Variants in FASTKD1 observed in about 807,000 individuals in gnomAD.
The protein encoded by FASTKD1 is FAST kinase domain-containing protein 1, mitochondrial.
In FASTKD1, 94 loss-of-function variants were observed where a neutral mutation model predicts 90.9. The ratio of observed to expected loss-of-function variants is 1.03; its 90% CI spans 0.88 to 1.23. FASTKD1 has a LOEUF of 1.23. Among genes scored for constraint, FASTKD1 ranks in the 50% most tolerant of loss-of-function variants. FASTKD1 has a pLI of 0.00. For missense variants in FASTKD1, 945 were observed against 993.5 expected (o/e 0.95, Z 0.66); for synonymous variants, 319 against 345.8 (o/e 0.92, Z 0.86).
intron 12 of FASTKD1, 109 bp from the exon 13 acceptor site, chr2:169,531,599 TCACA>T: frequency 1.2e-6 from 1 of 811,862 alleles, no homozygotes; most frequent in Non-Finnish European, 1.9e-6. Flanking sequence ...ACACACACAC[TCACA>T]AAAGAATGAC....
At chr2:169,536,884 T>C (rs78582350) in intron 12 of FASTKD1, 4,934 of 182,308 alleles carry the variant, frequency 0.027, 293 homozygotes, top group African/African-American at 0.11. Context: ...AAAGAGTCAT[T>C]TCCCTTATTT....
rs970645305 is a variant in FASTKD1, at chr2:169,529,412, C to A, written c.*413G>T. ...TTACCTCCACTGCTACCACTCTCTC[C>A]AAGCCACCATCCATTGTTGTCTGGA... is the stretch of plus-strand genomic sequence containing the variant. On this transcript the variant is annotated 3_prime_UTR_variant, in exon 15 of 15. Transcript: ENST00000453153. Among the ~76,000 whole-genome samples the A allele has an allele frequency of 6.6e-6, 1 of 152,202 alleles. No individual in the cohort carries two copies. The highest frequency in any genetic ancestry group is 1.5e-5 in the Non-Finnish European group (1 of 68,048).
chr2:169,531,552 G>GAT, intron 12 of FASTKD1, 62 bp from the exon 13 acceptor site: 1 of 1,330,306 alleles, frequency 7.5e-7, no homozygotes, highest in Non-Finnish European at 1.0e-6. Context: ...AAAAGTTTAA[G>GAT]ATATATTTGA....
chr2:169,548,564 C>G (rs1685326635), intron 7 of FASTKD1, among the ~76,000 whole-genome samples: 1 of 151,344 alleles, frequency 6.6e-6, no homozygotes, highest in Non-Finnish European at 1.5e-5. Context: ...AACCCCATCT[C>G]TACTGAAAAT....
At chr2:169,561,744 C>CATTATAAAATATTTATTAATTT (rs1683619952) in intron 4 of FASTKD1, among the ~76,000 whole-genome samples, 30 of 72,934 alleles carry the variant, frequency 4.1e-4, no homozygotes, top group Middle Eastern at 8.8e-3. Context: ...ATTAATTATT[C>CATTATAAAATATTTATTAATTT]ATTATAAATT....
At chr2:169,547,090 C>T (rs1391974532) in intron 7 of FASTKD1, among the ~76,000 whole-genome samples, 1 of 152,202 alleles carries the variant, frequency 6.6e-6, no homozygotes, top group East Asian at 1.9e-4. Flanking sequence ...GTTGGGTTTC[C>T]CATGACCTCC....
chr2:169,553,121 CTTGAACCTG>C (rs1685567655), intron 7 of FASTKD1, among the ~76,000 whole-genome samples: 1 of 151,950 alleles, frequency 6.6e-6, no homozygotes, highest in African/African-American at 2.4e-5. Context: ...AGGAAAATCG[CTTGAACCTG>C]GGAGGCGGAG....
rs374454211 is a variant in FASTKD1, at chr2:169,553,271, CAAAA to C, written c.1214+1849_1214+1852del. Among the ~76,000 whole-genome samples, 7 of 79,204 alleles carry C rather than the reference CAAAA, an allele frequency of 8.8e-5. 1 individual carries two copies. The highest frequency in any genetic ancestry group is 1.5e-4 in the African/African-American group (3 of 19,376). 52.0% of individuals were successfully genotyped at this position (79,204 alleles called of 152,430 possible). Reference sequence around the variant, plus strand: ...ATATAGAAAATTTTTTAAAAGCATGCAAAAAAAAAAAAAAAAAACCCACTGTGCA... The same window carrying C: ...ATATAGAAAATTTTTTAAAAGCATGCAAAAAAAAAAAAAACCCACTGTGCA... On this transcript the variant is annotated intron_variant, in intron 7 of 14. Transcript: ENST00000453153.
At chr2:169,565,292 TCGCTCTGTCA>T (rs1486433613) in intron 3 of FASTKD1, among the ~76,000 whole-genome samples, 1 of 98,714 alleles carries the variant, frequency 1.0e-5, no homozygotes, top group Non-Finnish European at 1.9e-5. Flanking sequence ...AGAGGGAGTC[TCGCTCTGTCA>T]CCCAGGCTGG....
chr2:169,530,227 C>G (rs1684418953), intron 14 of FASTKD1, among the ~76,000 whole-genome samples: 1 of 152,132 alleles, frequency 6.6e-6, no homozygotes, highest in African/African-American at 2.4e-5. Flanking sequence ...CTCTACAGTG[C>G]CTCTCTCCTT....
intron 5 of FASTKD1, among the ~76,000 whole-genome samples, chr2:169,559,304 C>T (rs541958284): frequency 7.1e-4 from 108 of 152,114 alleles, no homozygotes; most frequent in African/African-American, 2.5e-3. Flanking sequence ...AAACTTTCTC[C>T]GTAAAGTTTT....
chr2:169,549,774 A>G (rs1212465005), intron 7 of FASTKD1, among the ~76,000 whole-genome samples: 1 of 152,152 alleles, frequency 6.6e-6, no homozygotes, highest in Non-Finnish European at 1.5e-5. Context: ...GCCATTTAAA[A>G]TATTTAAATT....
chr2:169,532,407 A>C (rs1225251896), intron 12 of FASTKD1, among the ~76,000 whole-genome samples: 1 of 151,794 alleles, frequency 6.6e-6, no homozygotes. Context: ...CCAGACAAAA[A>C]AAAAAAAAAG....
At chr2:169,552,944 T>C (rs1685556422) in intron 7 of FASTKD1, among the ~76,000 whole-genome samples, 1 of 152,082 alleles carries the variant, frequency 6.6e-6, no homozygotes. Context: ...CAGTGGCTCA[T>C]GCTTGTAATC....
chr2:169,558,288 T>A (rs973091145), intron 5 of FASTKD1, among the ~76,000 whole-genome samples: 2 of 152,138 alleles, frequency 1.3e-5, no homozygotes, highest in South Asian at 4.1e-4. Flanking sequence ...TGAGATGGAG[T>A]CTCACTCTGT....
chr2:169,560,292 T>A, intron 5 of FASTKD1, 95 bp downstream of exon 5: 1 of 897,864 alleles, frequency 1.1e-6, no homozygotes, highest in Admixed American at 2.8e-5. Context: ...CCTAATAGGG[T>A]GATATTTGTA....
chr2:169,555,121 T>C lies in FASTKD1; in HGVS notation c.1214+3A>G, dbSNP rs1683238016. The stretch of plus-strand genomic sequence containing the variant: ...CTAAACAAAATTTCTATTTTAATCT[T>C]ACCTAAGCAGTAATTCTCTAAGTTT... On this transcript the variant is annotated splice_donor_region_variant and intron_variant, in intron 7 of 14. Coordinates refer to ENST00000453153, the MANE Select transcript of FASTKD1 (RefSeq NM_024622.6). 1 of 1,607,456 alleles carries C rather than the reference T, an allele frequency of 6.2e-7. No individual in the cohort carries two copies. The highest frequency in any genetic ancestry group is 1.3e-5 in the African/African-American group (1 of 74,512).
intron 4 of FASTKD1, 54 bp from the exon 5 acceptor site, chr2:169,560,839 CTTTTTTTT>C (rs1204635514): frequency 3.4e-4 from 84 of 249,070 alleles, no homozygotes; most frequent in African/African-American, 2.4e-3. Context: ...ATGATCAATT[CTTTTTTTT>C]TTTTTTTTTT....
At chr2:169,532,781 C>CAAACTA (rs1684548774) in intron 12 of FASTKD1, among the ~76,000 whole-genome samples, 3 of 151,494 alleles carry the variant, frequency 2.0e-5, no homozygotes, top group Non-Finnish European at 2.9e-5. Flanking sequence ...TTTGGACAAA[C>CAAACTA]TATAAAATAA....
Sources: allele counts gnomAD v4.1 joint callset (sites outside exome capture counted in the v4.1 genomes callset), GRCh38; gene constraint gnomAD v4.1.1; transcripts MANE v1.5; gene names NCBI Gene and HGNC (gene_info 2026-07-23, HGNC 2026-07-21).